HPS3: variants seen among roughly 807,000 people sequenced by gnomAD.
The protein encoded by HPS3 is HPS3 biogenesis of lysosomal organelles complex 2 subunit 1, also known as BLOC-2 complex member HPS3.
In HPS3, 79 loss-of-function variants were observed where a neutral mutation model predicts 110.9. The observed-to-expected ratio is 0.71, with a 90% CI of 0.59 to 0.86. The LOEUF is 0.86. Among genes scored for constraint, HPS3 ranks in the 40% least tolerant of loss-of-function variants. The probability of loss-of-function intolerance (pLI) is 0.00; values close to 1 mark genes in which losing one functional copy is unlikely to be tolerated. For synonymous variants in HPS3, 428 were observed against 451.0 expected (o/e 0.95, Z 0.65); for missense variants, 1,197 against 1,206.2 (o/e 0.99, Z 0.11).
In HPS3 at chr3:149,129,735, G is replaced by A; in HGVS notation, c.12G>A (p.Leu4=). The A allele has an allele frequency of 6.2e-7, 1 of 1,602,052 alleles. No homozygotes were observed. The highest frequency in any genetic ancestry group is 8.5e-7 in the Non-Finnish European group (1 of 1,177,216). ...CGCCGGACGTCGGGATGGTGCAGCT[G>A]TACAACCTGCACCCGTTCGGGTCGC... MVQ[L]YNLHPFGSQQ... is the part of the protein sequence containing the mutation. Residue 4 remains leucine, a synonymous_variant, in exon 1 of 17, where the codon CTG becomes CTA. Coordinates refer to ENST00000296051, the MANE Select transcript of HPS3 (RefSeq NM_032383.5).
At chr3:149,149,497 G>A (rs1205076050) in intron 5 of HPS3, among the ~76,000 whole-genome samples, 3 of 152,132 alleles carry the variant, frequency 2.0e-5, no homozygotes, top group Non-Finnish European at 4.4e-5. Context: ...GACAGAGATG[G>A]CTGAGGCTGA....
intron 4 of HPS3, among the ~76,000 whole-genome samples, chr3:149,142,191 C>T (rs1318016655): frequency 6.6e-6 from 1 of 152,170 alleles, no homozygotes; most frequent in African/African-American, 2.4e-5. Context: ...AAAGGGAAGT[C>T]ATACCTGCTA....
At chr3:149,132,283 G>A (rs991197364) in intron 1 of HPS3, among the ~76,000 whole-genome samples, 1 of 152,190 alleles carries the variant, frequency 6.6e-6, no homozygotes, top group African/African-American at 2.4e-5. Flanking sequence ...AGAAGATAAT[G>A]CCTGGCTTCA....
At chr3:149,138,844 AG>A (rs1722273704) in intron 1 of HPS3, among the ~76,000 whole-genome samples, 1 of 152,222 alleles carries the variant, frequency 6.6e-6, no homozygotes, top group Admixed American at 6.5e-5. Context: ...TAGCCGTGAG[AG>A]TCCATGTTTC....
At chr3:149,150,757 G>C (rs1452957945) in intron 6 of HPS3, 77 bp downstream of exon 6, 1 of 1,150,548 alleles carries the variant, frequency 8.7e-7, no homozygotes, top group Non-Finnish European at 1.3e-6. Context: ...TTTGCTCTCA[G>C]ACCTAAGCTA....
rs1338910310 is a variant in HPS3, at chr3:149,160,069, G to C, written c.1896G>C (p.Gln632His). The change falls in exon 11 of 17, where the codon CAG becomes CAC. Residue 632 changes from glutamine to histidine, a missense_variant. Gln to His is a conservative substitution (Grantham distance 24). Transcript: ENST00000296051. ...LNEELAAKVV[Q>H]MFYVAEPKQV... ...AGGAATTAGCAGCAAAAGTGGTTCA[G>C]ATGTTTTATGTGGCTGAGCCAAAGC... The C allele has an allele frequency of 6.2e-7, 1 of 1,613,864 alleles. No homozygotes were observed. The highest frequency in any genetic ancestry group is 8.5e-7 in the Non-Finnish European group (1 of 1,179,810).
At chr3:149,130,074 C>A in intron 1 of HPS3, 134 bp downstream of exon 1, 1 of 827,852 alleles carries the variant, frequency 1.2e-6, no homozygotes, top group Admixed American at 2.3e-5. Context: ...GATGGTCTCC[C>A]TGGGTCTGGC....
rs1001729830 is a variant in HPS3 at position 149,162,314 on chromosome 3, A to G, written c.2273A>G (p.Glu758Gly). Residue 758 changes from glutamate (E) to glycine (G), a missense_variant, in exon 12 of 17, where the codon GAA becomes GGA. Physicochemically the swap from Glu to Gly is moderately conservative, Grantham distance 98 (BLOSUM62 -2). Transcript: ENST00000296051. ...LQKNNKIGIE[E>G]ADSFFKVLCA... ...AAGAACAACAAAATTGGAATTGAAG[A>G]AGCAGATTCCTTTTTTAAGGTTTGT... 23 of 1,613,886 alleles carry G rather than the reference A, an allele frequency of 1.4e-5. No individual in the cohort carries two copies. Among genetic ancestry groups the G allele is most frequent in the Non-Finnish European group, 1.9e-5 (23 of 1,179,922 alleles).
chr3:149,132,101 T>G (rs1721813523), intron 1 of HPS3, among the ~76,000 whole-genome samples: 2 of 152,168 alleles, frequency 1.3e-5, no homozygotes, highest in South Asian at 4.1e-4. Context: ...AAGTGCAAGG[T>G]GAAACAGCAA....
At chr3:149,130,191 T>G in intron 1 of HPS3, 1 of 573,240 alleles carries the variant, frequency 1.7e-6, no homozygotes, top group South Asian at 2.2e-5. Context: ...GTCTTGGTTT[T>G]CTGCAGAAAG....
rs754731485 is a variant in HPS3 at position 149,167,233 on chromosome 3, A to T, written c.2789A>T (p.Glu930Val). 6.2e-7 allele frequency: 1 copy of T among 1,611,740 alleles called. No individual in the cohort carries two copies. The highest frequency in any genetic ancestry group is 1.1e-5 in the South Asian group (1 of 90,970). Residue 930 changes from glutamate to valine, a missense_variant, in exon 15 of 17, where the codon GAG becomes GTG. Physicochemically the swap from Glu to Val is moderately radical, Grantham distance 121 (BLOSUM62 -2). Transcript: ENST00000296051. ...TATGCTAATCATGAACTGAAAGAAGAGAACCGGGTATGCTTTTTCAGATTA... is the reference window on the plus strand; with the variant it reads ...TATGCTAATCATGAACTGAAAGAAGTGAACCGGGTATGCTTTTTCAGATTA... ...IPYANHELKEENRTLWWKKLL... is the reference protein window; with the variant it reads ...IPYANHELKEVNRTLWWKKLL...
chr3:149,131,072 G>A (rs1314928950), intron 1 of HPS3, among the ~76,000 whole-genome samples: 2 of 149,766 alleles, frequency 1.3e-5, no homozygotes, highest in African/African-American at 5.0e-5. Flanking sequence ...TCCCTACCCC[G>A]CAGCTGGTTC....
intron 1 of HPS3, among the ~76,000 whole-genome samples, chr3:149,138,489 GAAGAA>G (rs1209781968): frequency 6.6e-6 from 1 of 152,110 alleles, no homozygotes; most frequent in Non-Finnish European, 1.5e-5. Flanking sequence ...CACTAAAATA[GAAGAA>G]AATATAGGAG....
At chr3:149,158,562 A>T (rs2108160429) in intron 9 of HPS3, 104 bp from the exon 10 acceptor site, 10 of 1,087,482 alleles carry the variant, frequency 9.2e-6, no homozygotes, top group African/African-American at 1.5e-5. Context: ...CTGAGGTAGG[A>T]TAATCACTTG....
In HPS3 at chr3:149,145,447, A is replaced by G. The variant is rs1188145047; in HGVS notation, c.1064A>G (p.Tyr355Cys). 4.3e-6 allele frequency: 7 copies of G among 1,613,852 alleles called. No individual in the cohort carries two copies. The highest frequency in any genetic ancestry group is 5.9e-6 in the Non-Finnish European group (7 of 1,179,894). Residue 355 changes from tyrosine to cysteine, a missense_variant, in exon 5 of 17, where the codon TAC becomes TGC. Tyr to Cys is a radical substitution (Grantham distance 194, BLOSUM62 -2). Coordinates refer to ENST00000296051, the MANE Select transcript of HPS3 (RefSeq NM_032383.5). ...TCCTTACCTCATGTGGGCTATCTCT[A>G]CATGGTTGTCAAATCTGTTGAATTG... ...FFSLPHVGYLYMVVKSVELMS... is the reference protein window; with the variant it reads ...FFSLPHVGYLCMVVKSVELMS...
At chr3:149,140,946 C>CT in intron 2 of HPS3, 71 bp from the exon 3 acceptor site, 1 of 1,343,728 alleles carries the variant, frequency 7.4e-7, no homozygotes, top group Non-Finnish European at 1.1e-6. Context: ...TACTATATGT[C>CT]TAATTGGTGA....
intron 10 of HPS3, 122 bp from the exon 11 acceptor site, chr3:149,159,924 A>C: frequency 1.4e-6 from 1 of 736,148 alleles, no homozygotes; most frequent in Non-Finnish European, 2.4e-6. Flanking sequence ...ACATAATACT[A>C]TAATTTTATC....
chr3:149,166,316 C>T (rs534995009), intron 14 of HPS3, among the ~76,000 whole-genome samples: 2 of 152,170 alleles, frequency 1.3e-5, no homozygotes, highest in African/African-American at 2.4e-5. Context: ...TTTATTTTTG[C>T]ATATGTATGT....
chr3:149,153,191 G>GCA (rs1434437019), intron 6 of HPS3, among the ~76,000 whole-genome samples: 1 of 152,180 alleles, frequency 6.6e-6, no homozygotes, highest in African/African-American at 2.4e-5. Context: ...ACTCTGTGGG[G>GCA]CACACACACA....
Sources: allele counts gnomAD v4.1 joint callset (sites outside exome capture counted in the v4.1 genomes callset), GRCh38; gene constraint gnomAD v4.1.1; transcripts MANE v1.5; gene names NCBI Gene and HGNC (gene_info 2026-07-23, HGNC 2026-07-21).